Variants in PTK2 observed in about 807,000 individuals in gnomAD.
PTK2 encodes focal adhesion kinase 1.
In PTK2, 45 loss-of-function variants were observed where a neutral mutation model predicts 150.1. That is an observed-to-expected ratio of 0.30 (90% confidence interval 0.24 to 0.38). The LOEUF is 0.38. Ranked by LOEUF, PTK2 falls within the 10% of genes least tolerant of loss-of-function variation. The probability of loss-of-function intolerance (pLI) is 1.00; values close to 1 mark genes in which losing one functional copy is unlikely to be tolerated. For missense variants in PTK2, 919 were observed against 1,307.3 expected (o/e 0.70, Z 4.58); for synonymous variants, 432 against 449.2 (o/e 0.96, Z 0.48).
intron 1 of PTK2, among the ~76,000 whole-genome samples, chr8:140,983,279 C>G (rs564003879): frequency 6.8e-6 from 1 of 146,706 alleles, no homozygotes; most frequent in African/African-American, 2.5e-5. Flanking sequence ...CCCAGCTACT[C>G]GGAAGGCTGA....
At chr8:140,930,825 G>A (rs1203131417) in intron 1 of PTK2, among the ~76,000 whole-genome samples, 6 of 152,134 alleles carry the variant, frequency 3.9e-5, no homozygotes, top group South Asian at 2.1e-4. Context: ...TGTAATCCCA[G>A]CACTTTGAGA....
intron 27 of PTK2, among the ~76,000 whole-genome samples, chr8:140,683,583 T>C (rs912137825): frequency 3.9e-5 from 6 of 152,026 alleles, no homozygotes; most frequent in South Asian, 4.1e-4. Flanking sequence ...CTGATGAACA[T>C]AGATACAAAA....
intron 8 of PTK2, among the ~76,000 whole-genome samples, chr8:140,823,482 CAT>C (rs5895649): frequency 6.6e-6 from 1 of 151,068 alleles, no homozygotes; most frequent in Non-Finnish European, 1.5e-5. Flanking sequence ...GGTTAAAATG[CAT>C]ATATATATAT....
At chr8:140,760,743 C>A (rs549400551) in intron 16 of PTK2, among the ~76,000 whole-genome samples, 1 of 152,312 alleles carries the variant, frequency 6.6e-6, no homozygotes, top group South Asian at 2.1e-4. Flanking sequence ...AATGATACTT[C>A]ATTAAGCTAT....
rs144420123 is a variant in PTK2 at position 140,963,039 on chromosome 8, G to C, written c.-121-37290C>G. ...TCCCAATAAATACATATTTACAAAA[G>C]CAGATTTGGCCCACGTGCTATAGTT... is the stretch of plus-strand genomic sequence containing the variant. On this transcript the variant is annotated intron_variant, in intron 1 of 31. Coordinates refer to ENST00000522684, the Ensembl canonical transcript of PTK2. 9.4e-3 allele frequency among the ~76,000 whole-genome samples: 1,426 copies of C among 152,086 alleles called. 18 individuals are homozygous for C. The highest frequency in any genetic ancestry group is 0.015 in the Non-Finnish European group (990 of 68,000).
intron 1 of PTK2, among the ~76,000 whole-genome samples, chr8:140,999,845 GGT>G (rs1193003848): frequency 6.6e-6 from 1 of 151,934 alleles, no homozygotes; most frequent in Non-Finnish European, 1.5e-5. Context: ...TCCTAGCGAT[GGT>G]TAAGTCTTAA....
At chr8:140,682,900 A>G (rs2100017880) in intron 27 of PTK2, among the ~76,000 whole-genome samples, 1 of 152,170 alleles carries the variant, frequency 6.6e-6, no homozygotes, top group Non-Finnish European at 1.5e-5. Context: ...ACAAAAAGTT[A>G]AAAAGATCTC....
intron 7 of PTK2, among the ~76,000 whole-genome samples, chr8:140,841,009 C>CA (rs2100122003): frequency 6.6e-6 from 1 of 151,984 alleles, no homozygotes; most frequent in Admixed American, 6.6e-5. Flanking sequence ...CATAATGATG[C>CA]AAAATTCAAT....
At chr8:140,662,723 C>G (rs1357180415) in intron 31 of PTK2, 3 of 595,254 alleles carry the variant, frequency 5.0e-6, no homozygotes, top group Non-Finnish European at 3.2e-6. Flanking sequence ...GGAACATCCC[C>G]TGGACATCGT....
chr8:140,905,514 C>T lies in PTK2; in HGVS notation c.-32-14745G>A, dbSNP rs188428294. On this transcript the variant is annotated intron_variant, in intron 2 of 31. Coordinates refer to ENST00000522684, the Ensembl canonical transcript of PTK2. ...TATATATGCACCCAATACAGGAGCA[C>T]CCAGATTCATAAAGTTCTTAGAGAC... Among the ~76,000 whole-genome samples the T allele has an allele frequency of 4.5e-3, 689 of 152,242 alleles. 11 individuals carry two copies. The highest frequency in any genetic ancestry group is 0.015 in the African/African-American group (623 of 41,536).
Position 140,979,754 on chromosome 8 carries a change from A to T in PTK2, c.-122+21371T>A, listed in dbSNP as rs534195503. ...TGTTCTCGTGATACTAAGTTTCATG[A>T]GATCTGATGGTTTTATAAGGGGGAG... On this transcript the variant is annotated intron_variant, in intron 1 of 31. Coordinates refer to ENST00000522684, the Ensembl canonical transcript of PTK2. Among the ~76,000 whole-genome samples the T allele has an allele frequency of 4.6e-5, 7 of 152,248 alleles. 1 individual carries two copies. Among genetic ancestry groups the T allele is most frequent in the Admixed American group, 4.6e-4 (7 of 15,294 alleles).
intron 1 of PTK2, among the ~76,000 whole-genome samples, chr8:140,983,658 T>TGAAGGAAG (rs746413640): frequency 1.9e-4 from 23 of 124,156 alleles, no homozygotes; most frequent in Non-Finnish European, 3.3e-4. Context: ...GAGAGGGAAG[T>TGAAGGAAG]GAAGGAAGGA....
chr8:140,939,761 G>A (rs2100174998), intron 1 of PTK2, among the ~76,000 whole-genome samples: 1 of 152,148 alleles, frequency 6.6e-6, no homozygotes, highest in South Asian at 2.1e-4. Context: ...TTCGCAAAAG[G>A]CTTATACAAT....
intron 4 of PTK2, among the ~76,000 whole-genome samples, chr8:140,874,028 A>G (rs569666766): frequency 1.3e-5 from 2 of 152,256 alleles, no homozygotes; most frequent in African/African-American, 4.8e-5. Context: ...ACAGTTTTGC[A>G]TGTGATGTTT....
chr8:140,930,846 G>A (rs886535617), intron 1 of PTK2, among the ~76,000 whole-genome samples: 29 of 152,160 alleles, frequency 1.9e-4, no homozygotes, highest in African/African-American at 7.0e-4. Context: ...GGCTGAGGTG[G>A]GCAGATCACT....
chr8:140,907,540 C>T (rs144941375), intron 2 of PTK2, among the ~76,000 whole-genome samples: 1 of 152,218 alleles, frequency 6.6e-6, no homozygotes, highest in East Asian at 1.9e-4. Flanking sequence ...GATAATTCAT[C>T]CAACTGCCTT....
intron 1 of PTK2, among the ~76,000 whole-genome samples, chr8:140,948,206 A>C (rs921963618): frequency 1.3e-5 from 2 of 152,248 alleles, no homozygotes; most frequent in African/African-American, 4.8e-5. Context: ...TGGCCTTGAA[A>C]GAAAGCTAAG....
chr8:140,662,711 C>A, intron 31 of PTK2: 1 of 597,362 alleles, frequency 1.7e-6, no homozygotes, highest in Non-Finnish European at 3.2e-6. Context: ...AGTTGGTCAA[C>A]TGGAACATCC....
At chr8:140,877,957 T>C (rs939037200) in intron 4 of PTK2, among the ~76,000 whole-genome samples, 14 of 152,190 alleles carry the variant, frequency 9.2e-5, no homozygotes, top group African/African-American at 2.9e-4. Context: ...ACCAAGATAA[T>C]AGACTTGTGT....
Sources: gnomAD v4.1 joint callset for allele counts (sites outside exome capture counted in the v4.1 genomes callset) on GRCh38, gnomAD v4.1.1 for gene constraint, MANE v1.5 for transcripts, NCBI Gene and HGNC (gene_info 2026-07-23, HGNC 2026-07-21) for gene names.